Variants in CHD7 observed in about 807,000 individuals in gnomAD.
The protein encoded by CHD7 is chromodomain helicase DNA binding protein 7, also known as ATP-dependent chromatin remodeler CHD7.
CHD7 carries 24 observed loss-of-function variants against 307.3 expected under a neutral mutation model. The observed-to-expected ratio is 0.08, with a 90% CI of 0.06 to 0.11. The LOEUF (loss-of-function observed/expected upper bound fraction) is 0.11, where lower values mean the gene tolerates loss of function less well. Ranked by LOEUF, CHD7 falls within the 10% of genes least tolerant of loss-of-function variation. The pLI, the probability that CHD7 is intolerant of heterozygous loss-of-function variation, is 1.00. For missense variants in CHD7, 3,106 were observed against 3,727.1 expected (o/e 0.83, Z 4.34); for synonymous variants, 1,363 against 1,349.9 (o/e 1.01, Z -0.21).
intron 34 of CHD7, among the ~76,000 whole-genome samples, chr8:60,860,369 A>T (rs914824787): frequency 2.0e-5 from 3 of 152,236 alleles, no homozygotes; most frequent in Non-Finnish European, 4.4e-5. Flanking sequence ...TTAGTGGACT[A>T]TAAATTTTTT....
intron 28 of CHD7, 45 bp from the exon 29 acceptor site, chr8:60,851,974 A>C: frequency 1.5e-6 from 2 of 1,373,202 alleles, no homozygotes; most frequent in South Asian, 2.5e-5. Flanking sequence ...TCTGTATTGC[A>C]AGATTGCAGC....
intron 1 of CHD7, among the ~76,000 whole-genome samples, chr8:60,734,541 G>T (rs1196412392): frequency 6.6e-6 from 1 of 152,172 alleles, no homozygotes. Flanking sequence ...GGAAGCTTCC[G>T]AAGATGGGTG....
At chr8:60,727,841 C>T (rs1263984201) in intron 1 of CHD7, among the ~76,000 whole-genome samples, 4 of 152,188 alleles carry the variant, frequency 2.6e-5, no homozygotes, top group Admixed American at 2.6e-4. Flanking sequence ...ACCTCTCTTC[C>T]ATACCAAATA....
chr8:60,854,506 T>G lies in CHD7; in HGVS notation c.6919T>G (p.Phe2307Val). ...AQLLHERTFA[F>V]SFWPKDRVMI... is the part of the protein sequence containing the mutation. ...GCTCCTTCATGAAAGAACATTTGCC[T>G]TCTCGTTTTGGCCTAAGGTTGGCAG... is the stretch of plus-strand genomic sequence containing the variant. Residue 2307 changes from phenylalanine (F) to valine (V), a missense_variant, in exon 32 of 38, where the codon TTC becomes GTC. By Grantham distance (50) the Phe-to-Val change is conservative. Transcript: ENST00000423902. 1.9e-6 allele frequency: 3 copies of G among 1,601,542 alleles called. No individual in the cohort carries two copies. The highest frequency in any genetic ancestry group is 2.6e-6 in the Non-Finnish European group (3 of 1,170,492).
chr8:60,716,126 CAG>C (rs1669792048), intron 1 of CHD7, among the ~76,000 whole-genome samples: 1 of 152,252 alleles, frequency 6.6e-6, no homozygotes, highest in Non-Finnish European at 1.5e-5. Flanking sequence ...AAAGTATATG[CAG>C]AGTCTGATAC....
At chr8:60,720,065 T>A (rs1807821325) in intron 1 of CHD7, among the ~76,000 whole-genome samples, 1 of 152,214 alleles carries the variant, frequency 6.6e-6, no homozygotes, top group African/African-American at 2.4e-5. Context: ...GAGCATATTA[T>A]AGATACACAA....
intron 35 of CHD7, 168 bp downstream of exon 35, chr8:60,861,293 A>G: frequency 3.4e-6 from 2 of 583,558 alleles, no homozygotes; most frequent in Middle Eastern, 4.5e-4. Context: ...CATTACAGAT[A>G]CTAGCTTCAG....
At chr8:60,774,534 C>T (rs1412860972) in intron 2 of CHD7, among the ~76,000 whole-genome samples, 1 of 152,212 alleles carries the variant, frequency 6.6e-6, no homozygotes, top group African/African-American at 2.4e-5. Context: ...GCTGGCCCAG[C>T]AGCGTGGCTC....
chr8:60,727,178 G>A (rs554181006), intron 1 of CHD7, among the ~76,000 whole-genome samples: 12 of 151,830 alleles, frequency 7.9e-5, no homozygotes, highest in Non-Finnish European at 1.8e-4. Flanking sequence ...CCAGGCTGTG[G>A]TGCAGTGGTA....
chr8:60,816,441 A>C lies in CHD7; in HGVS notation c.2553A>C (p.Arg851Ser). The C allele has an allele frequency of 6.2e-7, 1 of 1,610,936 alleles. No individual in the cohort carries two copies. The highest frequency in any genetic ancestry group is 8.5e-7 in the Non-Finnish European group (1 of 1,178,398). ...TAGAAGATCTGGAAAAAGATAAGAG[A>C]ATTCAGCAAAAAATTAAACGATTTA... ...ASIEDLEKDK[R>S]IQQKIKRFKA... Residue 851 changes from arginine (R) to serine (S), a missense_variant, in exon 8 of 38, where the codon AGA becomes AGC. Arg to Ser is a moderately radical substitution (Grantham distance 110, BLOSUM62 -1). Transcript: ENST00000423902.
intron 3 of CHD7, among the ~76,000 whole-genome samples, chr8:60,786,586 T>A (rs1356831986): frequency 6.6e-6 from 1 of 152,054 alleles, no homozygotes. Context: ...AGTTCAGGTG[T>A]AAGGAGGCCG....
chr8:60,801,982 A>G lies in CHD7; in HGVS notation c.2442+389A>G, dbSNP rs552149237. On this transcript the variant is annotated intron_variant, in intron 6 of 37. Transcript: ENST00000423902. ...TGTTAGGATGGAAATTCTGTTTGTC[A>G]TTTTAGCAAGTAGGTGTTTTCTCAT... Among the ~76,000 whole-genome samples the G allele has an allele frequency of 2.6e-4, 40 of 152,280 alleles. No individual in the cohort carries two copies. The South Asian group carries it at 5.8e-3, about 22-fold the overall frequency.
intron 2 of CHD7, among the ~76,000 whole-genome samples, chr8:60,762,653 T>C (rs1016783859): frequency 6.6e-6 from 1 of 152,178 alleles, no homozygotes; most frequent in African/African-American, 2.4e-5. Flanking sequence ...CGATGCCACA[T>C]TATTACTATT....
At position 60,742,611 on chromosome 8, in the gene CHD7, A is replaced by G. The variant is rs111238892; in HGVS notation, c.1179A>G (p.Pro393=). 472 of 1,612,676 alleles carry G rather than the reference A, an allele frequency of 2.9e-4. 1 individual carries two copies. The African/African-American group carries it at 5.7e-3, about 19-fold the overall frequency. ...AGCCTCAGGGAACTTATGCCTCTCC[A>G]CCTCCCATGTCACCCATGAAAGCAA... ...PSQPQGTYAS[P]PPMSPMKAMS... The change falls in exon 2 of 38, where the codon CCA becomes CCG. Residue 393 remains proline, a synonymous_variant. Coordinates refer to ENST00000423902, the MANE Select transcript of CHD7 (RefSeq NM_017780.4).
rs1177428151 is a variant in CHD7, at chr8:60,741,612, T to C, written c.180T>C (p.Asn60=). 1.2e-6 allele frequency: 2 copies of C among 1,613,726 alleles called. No homozygotes were observed. The highest frequency in any genetic ancestry group is 1.3e-5 in the African/African-American group (1 of 75,042). ...LQPSLHHPST[N]QNQTKLTHFD... ...CATCCCTTCATCATCCTTCAACTAA[T>C]CAAAATCAAACAAAGCTGACACATT... is the stretch of plus-strand genomic sequence containing the variant. Residue 60 remains asparagine, a synonymous_variant, in exon 2 of 38, where the codon AAT becomes AAC. Transcript: ENST00000423902.
chr8:60,804,539 C>T (rs368195273), intron 6 of CHD7, among the ~76,000 whole-genome samples: 1 of 152,070 alleles, frequency 6.6e-6, no homozygotes, highest in East Asian at 1.9e-4. Context: ...TATTTTTTCC[C>T]TAAGTGAACT....
intron 2 of CHD7, among the ~76,000 whole-genome samples, chr8:60,765,545 T>G (rs185301649): frequency 6.6e-6 from 1 of 152,290 alleles, no homozygotes; most frequent in Admixed American, 6.5e-5. Flanking sequence ...GAGTAGGAAT[T>G]AACTTGGAGA....
At chr8:60,775,259 A>G (rs1810895419) in intron 2 of CHD7, among the ~76,000 whole-genome samples, 1 of 152,194 alleles carries the variant, frequency 6.6e-6, no homozygotes, top group African/African-American at 2.4e-5. Flanking sequence ...TTATTTCATT[A>G]TGCTATTTCA....
chr8:60,830,261 A>C, intron 14 of CHD7, 61 bp from the exon 15 acceptor site: 1 of 1,510,578 alleles, frequency 6.6e-7, no homozygotes, highest in Middle Eastern at 2.0e-4. Context: ...TTTCATGTTA[A>C]AATATGTTTT....
Sources: gnomAD v4.1 joint callset for allele counts (sites outside exome capture counted in the v4.1 genomes callset) on GRCh38, gnomAD v4.1.1 for gene constraint, MANE v1.5 for transcripts, NCBI Gene and HGNC (gene_info 2026-07-23, HGNC 2026-07-21) for gene names.